PRRC2B: variants seen among roughly 807,000 people sequenced by gnomAD.
PRRC2B encodes the protein protein PRRC2B.
In PRRC2B, 68 loss-of-function variants were observed where a neutral mutation model predicts 242.3. The ratio of observed to expected loss-of-function variants is 0.28; its 90% confidence interval spans 0.23 to 0.34. PRRC2B has a LOEUF of 0.34. PRRC2B is among the 10% of genes least tolerant of loss of function. The probability of loss-of-function intolerance (pLI) is 1.00; values close to 1 mark genes in which losing one functional copy is unlikely to be tolerated. For missense variants in PRRC2B, 2,835 were observed against 2,954.8 expected, an observed-to-expected ratio of 0.96 and a Z score of 0.94; for synonymous variants, 1,228 against 1,173.6, an observed-to-expected ratio of 1.05 and a Z score of -0.95.
chr9:131,483,036 G>A lies in PRRC2B; in HGVS notation c.5373+129G>A, dbSNP rs919184424. The A allele has an allele frequency of 2.5e-5, 28 of 1,116,754 alleles. 1 individual carries two copies. Among genetic ancestry groups the A allele is most frequent in the African/African-American group, 3.1e-5 (2 of 64,338 alleles). 69.2% of individuals were successfully genotyped at this position (1,116,754 alleles called of 1,614,324 possible). A position where few individuals can be genotyped will look rare whatever the true frequency, so the allele number is the denominator to read the frequency against. On this transcript the variant is annotated intron_variant, in intron 22 of 31. Transcript: ENST00000683519. ...GATGGGAGCCAAGCAGTCTTCCAGC[G>A]GCTAGAGTGTTGGTGTGGAGTCCTG...
intron 1 of PRRC2B, among the ~76,000 whole-genome samples, chr9:131,413,625 C>T (rs544894243): frequency 6.6e-6 from 1 of 152,300 alleles, no homozygotes; most frequent in South Asian, 2.1e-4. Context: ...CTTGGCCTCC[C>T]AAAGTGCTGG....
At chr9:131,394,081 G>A (rs1836967619), upstream of PRRC2B, 1 of 149,888 alleles carries the variant, frequency 6.7e-6, no homozygotes, top group Admixed American at 6.7e-5. Context: ...GAGGGAGCGA[G>A]CGGCGAGACA....
intron 1 of PRRC2B, among the ~76,000 whole-genome samples, chr9:131,387,104 C>T (rs1028382094): frequency 4.0e-5 from 6 of 150,048 alleles, no homozygotes; most frequent in Non-Finnish European, 3.0e-5. Context: ...CGGGTTCAAG[C>T]GATTCTTCTG....
chr9:131,459,443 T>G (rs1014974125), intron 11 of PRRC2B, 87 bp downstream of exon 11: 4 of 1,069,098 alleles, frequency 3.7e-6, no homozygotes, highest in African/African-American at 3.2e-5. Flanking sequence ...TGGGCATTTC[T>G]TTTTCATTTT....
chr9:131,454,652 T>C (rs78444327), intron 9 of PRRC2B, among the ~76,000 whole-genome samples: 8 of 151,838 alleles, frequency 5.3e-5, no homozygotes, highest in Admixed American at 2.0e-4. Context: ...TTTTTTTTTT[T>C]CGAGATGGAG....
chr9:131,449,944 A>T (rs966059503), intron 9 of PRRC2B, among the ~76,000 whole-genome samples: 6 of 152,220 alleles, frequency 3.9e-5, no homozygotes, highest in Admixed American at 2.0e-4. Context: ...CCATACGGCC[A>T]ATTCTCCACA....
intron 1 of PRRC2B, 23 bp from the exon 2 acceptor site, chr9:131,430,071 T>C (rs922438072): frequency 1.3e-5 from 9 of 708,924 alleles, no homozygotes; most frequent in South Asian, 5.6e-5. Context: ...TTTTTTTTTT[T>C]TTCTTCTCTA....
upstream of PRRC2B, among the ~76,000 whole-genome samples, chr9:131,390,939 A>C (rs527752230): frequency 1.9e-4 from 28 of 151,176 alleles, no homozygotes; most frequent in South Asian, 5.9e-3. Context: ...GGCACATACC[A>C]CCAGGCCTGG....
At chr9:131,469,463 C>CT (rs1943481459) in intron 13 of PRRC2B, among the ~76,000 whole-genome samples, 2 of 152,210 alleles carry the variant, frequency 1.3e-5, no homozygotes, top group Admixed American at 6.5e-5. Flanking sequence ...GGCCCACAGC[C>CT]TTCTCTGTGG....
intron 1 of PRRC2B, among the ~76,000 whole-genome samples, chr9:131,428,945 T>C (rs1195319798): frequency 6.6e-6 from 1 of 152,172 alleles, no homozygotes; most frequent in African/African-American, 2.4e-5. Flanking sequence ...GGTCGGCACT[T>C]AGTATTTGTT....
At chr9:131,403,084 C>T (rs1002859498) in intron 1 of PRRC2B, among the ~76,000 whole-genome samples, 2 of 152,130 alleles carry the variant, frequency 1.3e-5, no homozygotes, top group Non-Finnish European at 1.5e-5. Flanking sequence ...GAACTTTTTT[C>T]GGCAGGTGTT....
Position 131,374,466 on chromosome 9 carries a change from T to G in PRRC2B, c.-56+735T>G, listed in dbSNP as rs188712192. 1.3e-4 allele frequency among the ~76,000 whole-genome samples: 20 copies of G among 152,342 alleles called. No homozygotes were observed. In the East Asian group the frequency reaches 3.5e-3, roughly 26 times the overall value. On this transcript the variant is annotated intron_variant, in intron 1 of 1. Coordinates refer to the PRRC2B transcript ENST00000682525. ...TTTTGCTAACATGTATTACACAGAT[T>G]GAACGCCACTCGGCATCAGTCTGTA... is the stretch of plus-strand genomic sequence containing the variant.
intron 1 of PRRC2B, among the ~76,000 whole-genome samples, chr9:131,420,504 T>TCTTTCTTTC (rs1364794312): frequency 9.6e-6 from 1 of 104,018 alleles, no homozygotes; most frequent in African/African-American, 3.7e-5. Flanking sequence ...TTTTTTTTTT[T>TCTTTCTTTC]TTTTTTGAGA....
rs750885962 is a variant in PRRC2B, at chr9:131,492,237, C to T, written c.6450C>T (p.Pro2150=). 3.1e-6 allele frequency: 5 copies of T among 1,613,680 alleles called. No homozygotes were observed. Among genetic ancestry groups the T allele is most frequent in the African/African-American group, 2.7e-5 (2 of 74,934 alleles). ...DSKQNVPSGG[P]VPSPQTYRPS... Reference sequence around the variant, plus strand: ...AACAGAATGTCCCTTCAGGAGGCCCCGTGCCATCGCCACAGACCTACAGGT... The same window carrying T: ...AACAGAATGTCCCTTCAGGAGGCCCTGTGCCATCGCCACAGACCTACAGGT... Residue 2150 remains proline, a synonymous_variant, in exon 30 of 32, where the codon CCC becomes CCT. Coordinates refer to ENST00000683519, the MANE Select transcript of PRRC2B (RefSeq NM_013318.4).
Position 131,475,537 on chromosome 9 carries a change from C to G in PRRC2B, c.3408C>G (p.Ser1136Arg). 1 of 1,612,318 alleles carries G rather than the reference C, an allele frequency of 6.2e-7. No homozygotes were observed. Among genetic ancestry groups the G allele is most frequent in the South Asian group, 1.1e-5 (1 of 91,010 alleles). The change falls in exon 16 of 32, where the codon AGC becomes AGG. Residue 1136 changes from serine to arginine, a missense_variant. By Grantham distance (110) the Ser-to-Arg change is moderately radical (BLOSUM62 -1). Transcript: ENST00000683519. ...GGAGAGTTGCCAGTGAGACCCATAG[C>G]GAGGGCTCAGAGTATGAAGAACTTC... ...PRRRVASETH[S>R]EGSEYEELPK...
intron 1 of PRRC2B, among the ~76,000 whole-genome samples, chr9:131,426,387 A>G (rs1436083339): frequency 1.3e-5 from 2 of 152,028 alleles, no homozygotes; most frequent in Admixed American, 6.6e-5. Context: ...AGAAGAAGAA[A>G]GGAAAATCAT....
In PRRC2B at chr9:131,499,943, T is replaced by C. The variant is rs985149235; in HGVS notation, c.*4069T>C. On this transcript the variant is annotated 3_prime_UTR_variant, in exon 32 of 32. Coordinates refer to ENST00000683519, the MANE Select transcript of PRRC2B (RefSeq NM_013318.4). ...TTGGCCTTTCCTCTTTGTCTTTCCATGTAGACCAGATATTTGAAAGGGCAG... is the reference window on the plus strand; with the variant it reads ...TTGGCCTTTCCTCTTTGTCTTTCCACGTAGACCAGATATTTGAAAGGGCAG... 5.3e-5 allele frequency: 8 copies of C among 152,208 alleles called. No homozygotes were observed. In the East Asian group the frequency reaches 1.3e-3, roughly 26 times the overall value. The allele number at this position is 152,208 out of a possible 1,614,324, so 9.4% of individuals were successfully genotyped here.
At chr9:131,483,278 G>A (rs1943924048) in intron 22 of PRRC2B, 81 bp from the exon 23 acceptor site, 1 of 1,328,708 alleles carries the variant, frequency 7.5e-7, no homozygotes, top group Non-Finnish European at 1.1e-6. Context: ...CGGGGAAACT[G>A]CATCACGTTA....
chr9:131,421,685 G>T (rs929470563), intron 1 of PRRC2B, among the ~76,000 whole-genome samples: 1 of 152,208 alleles, frequency 6.6e-6, no homozygotes, highest in African/African-American at 2.4e-5. Flanking sequence ...TGTGAGTGGA[G>T]GAAAGAGCCA....
Sources: gnomAD v4.1 joint callset for allele counts (sites outside exome capture counted in the v4.1 genomes callset) on GRCh38, gnomAD v4.1.1 for gene constraint, MANE v1.5 for transcripts, NCBI Gene and HGNC (gene_info 2026-07-23, HGNC 2026-07-21) for gene names.